Variants in HDAC4 observed in about 807,000 individuals in gnomAD.
HDAC4 encodes the protein histone deacetylase 4, also known as histone deacetylase A.
Under a neutral mutation model 135.1 loss-of-function variants are expected in HDAC4, and 16 were observed. The observed-to-expected ratio is 0.12, with a 90% CI of 0.08 to 0.18. The LOEUF (loss-of-function observed/expected upper bound fraction) is 0.18. Ranked by LOEUF, HDAC4 falls within the 10% of genes least tolerant of loss-of-function variation. The probability of loss-of-function intolerance (pLI) is 1.00; values close to 1 mark genes in which losing one functional copy is unlikely to be tolerated. For synonymous variants in HDAC4, 685 were observed against 653.4 expected, an observed-to-expected ratio of 1.05 and a Z score of -0.74; for missense variants, 1,143 against 1,511.8, an observed-to-expected ratio of 0.76 and a Z score of 4.05.
At chr2:239,163,176 G>A (rs1169346073) in intron 6 of HDAC4, among the ~76,000 whole-genome samples, 3 of 152,104 alleles carry the variant, frequency 2.0e-5, no homozygotes, top group Non-Finnish European at 2.9e-5. Flanking sequence ...CAATTGCGTG[G>A]GCCCTGGCAG....
At chr2:239,255,863 G>C (rs908842200) in intron 2 of HDAC4, among the ~76,000 whole-genome samples, 1 of 152,200 alleles carries the variant, frequency 6.6e-6, no homozygotes, top group Non-Finnish European at 1.5e-5. Context: ...ATGTCGGAGA[G>C]CCCGTCTTTG....
rs1015285510 is a variant in HDAC4, at chr2:239,309,872, G to C, written c.22+42806C>G. ...GGAGGCCAGCAGCCCCTAGCAGAAG[G>C]GTGTTCTGGAAGCTGCCCCCTCCCA... On this transcript the variant is annotated intron_variant, in intron 2 of 26. Coordinates refer to ENST00000543185, the MANE Select transcript of HDAC4 (RefSeq NM_001378414.1). This position sits in a 1 kb window ranked among gnomAD's most constrained non-coding sequence, Gnocchi z 4.2. 6.6e-6 allele frequency among the ~76,000 whole-genome samples: 1 copy of C among 152,240 alleles called. No homozygotes were observed. The highest frequency in any genetic ancestry group is 2.4e-5 in the African/African-American group (1 of 41,470).
chr2:239,190,311 G>A (rs557522564), intron 3 of HDAC4, among the ~76,000 whole-genome samples: 45 of 152,254 alleles, frequency 3.0e-4, no homozygotes, highest in African/African-American at 1.0e-3. Context: ...AAGCCCATGG[G>A]AGGTCAGGCC....
chr2:239,197,847 T>TTGTGTGTGTGTGTG (rs368801140), intron 3 of HDAC4, among the ~76,000 whole-genome samples: 17,653 of 139,976 alleles, frequency 0.13, 1,288 homozygotes, highest in South Asian at 0.16. Context: ...CACTAAAAGT[T>TTGTGTGTGTGTGTG]TGTGTGTGTG....
In HDAC4 at chr2:239,361,765, G is replaced by A. The variant is rs371673170; in HGVS notation, c.-219-8847C>T. 3.9e-5 allele frequency among the ~76,000 whole-genome samples: 6 copies of A among 152,130 alleles called. No individual in the cohort carries two copies. In the East Asian group the frequency reaches 5.8e-4, roughly 15 times the overall value. On this transcript the variant is annotated intron_variant, in intron 1 of 26. Coordinates refer to ENST00000543185, the MANE Select transcript of HDAC4 (RefSeq NM_001378414.1). ...CCTTCTCCTTAGGTGGTGTGTCTTT[G>A]AACAACCCAACGCAACACTCACAAC...
rs1427097006 is a variant in HDAC4 at position 239,084,033 on chromosome 2, C to G, written c.2532+122G>C. ...CTTTACTTCTCCGCATCTTTGAGAC[C>G]GTTTCCAGAAACCTAAGCTTCCCAC... On this transcript the variant is annotated intron_variant, in intron 20 of 26. Coordinates refer to ENST00000543185, the MANE Select transcript of HDAC4 (RefSeq NM_001378414.1). 6.7e-6 allele frequency: 5 copies of G among 743,548 alleles called. No homozygotes were observed. In the East Asian group the frequency reaches 1.3e-4, roughly 20 times the overall value. The allele number at this position is 743,548 out of a possible 1,614,324, so 46.1% of individuals were successfully genotyped here. A position where few individuals can be genotyped will look rare whatever the true frequency, so the allele number is the denominator to read the frequency against.
intron 2 of HDAC4, among the ~76,000 whole-genome samples, chr2:239,324,970 T>A (rs1457644933): frequency 6.6e-6 from 1 of 152,124 alleles, no homozygotes; most frequent in East Asian, 1.9e-4. Context: ...AGACACATGC[T>A]CTCTTACAGC....
intron 6 of HDAC4, among the ~76,000 whole-genome samples, chr2:239,159,125 C>A (rs1273568503): frequency 6.6e-6 from 1 of 151,220 alleles, no homozygotes; most frequent in Non-Finnish European, 1.5e-5. Context: ...TACACCCACT[C>A]ACACCTGCAG....
intron 22 of HDAC4, among the ~76,000 whole-genome samples, chr2:239,078,467 C>G (rs1559381753): frequency 6.6e-6 from 1 of 152,222 alleles, no homozygotes; most frequent in East Asian, 1.9e-4. Context: ...CCCTTCTTCC[C>G]CATCATCGGA....
At chr2:239,089,351 C>G (rs549381769) in intron 18 of HDAC4, among the ~76,000 whole-genome samples, 4 of 152,116 alleles carry the variant, frequency 2.6e-5, no homozygotes, top group African/African-American at 9.7e-5. Flanking sequence ...TTTTTTGAGA[C>G]GGAGTCTCAC....
chr2:239,397,966 T>A (rs1404064310), intron 1 of HDAC4, among the ~76,000 whole-genome samples: 1 of 152,164 alleles, frequency 6.6e-6, no homozygotes, highest in Non-Finnish European at 1.5e-5. Flanking sequence ...TCCGACTCCT[T>A]ACCCCAGGAC....
intron 1 of HDAC4, among the ~76,000 whole-genome samples, chr2:239,363,587 T>C (rs936471717): frequency 3.9e-5 from 6 of 152,194 alleles, no homozygotes. Context: ...GAAATTAGTA[T>C]GAGCTGGATC....
At chr2:239,228,873 C>T (rs1298846095) in intron 3 of HDAC4, among the ~76,000 whole-genome samples, 1 of 152,074 alleles carries the variant, frequency 6.6e-6, no homozygotes, top group African/African-American at 2.4e-5. Context: ...TGGGCACAGT[C>T]GTTCACACCT....
At chr2:239,120,416 G>GAC (rs765059562) in intron 12 of HDAC4, among the ~76,000 whole-genome samples, 29 of 133,170 alleles carry the variant, frequency 2.2e-4, no homozygotes, top group Non-Finnish European at 4.4e-4. Context: ...CACACACACA[G>GAC]ACACAGACAG....
Position 239,363,996 on chromosome 2 carries a change from C to T in HDAC4, c.-219-11078G>A, listed in dbSNP as rs572363304. 1.4e-4 allele frequency among the ~76,000 whole-genome samples: 21 copies of T among 152,270 alleles called. 1 individual carries two copies. The highest frequency in any genetic ancestry group is 4.8e-4 in the African/African-American group (20 of 41,558). On this transcript the variant is annotated intron_variant, in intron 1 of 26. Coordinates refer to ENST00000543185, the MANE Select transcript of HDAC4 (RefSeq NM_001378414.1). Reference sequence around the variant, plus strand: ...CTGCGCATGTGTGACTGCAGGGAAACGCGATAAAGCCACAACGGAACACTC... The same window carrying T: ...CTGCGCATGTGTGACTGCAGGGAAATGCGATAAAGCCACAACGGAACACTC...
chr2:239,275,159 G>A (rs1348773366), intron 2 of HDAC4, among the ~76,000 whole-genome samples: 2 of 126,842 alleles, frequency 1.6e-5, no homozygotes, highest in South Asian at 2.1e-4. Flanking sequence ...AAGGGTGGGG[G>A]CCGGCCGGAA....
intron 2 of HDAC4, among the ~76,000 whole-genome samples, chr2:239,244,998 C>A (rs1448375645): frequency 1.3e-5 from 2 of 152,236 alleles, no homozygotes; most frequent in Non-Finnish European, 2.9e-5. Context: ...AGTTCCATAA[C>A]AGTGCTTGCA....
chr2:239,291,851 C>T (rs2125511563), intron 2 of HDAC4, among the ~76,000 whole-genome samples: 1 of 152,304 alleles, frequency 6.6e-6, no homozygotes, highest in South Asian at 2.1e-4. Flanking sequence ...GCTAGCTGGG[C>T]CTTCTCCCCG....
intron 18 of HDAC4, among the ~76,000 whole-genome samples, chr2:239,087,823 G>A (rs2036128935): frequency 6.6e-6 from 1 of 151,848 alleles, no homozygotes; most frequent in South Asian, 2.1e-4. Context: ...AAGAGGTCTG[G>A]GGGCTACTAA....
Sources: gnomAD v4.1 joint callset for allele counts (sites outside exome capture counted in the v4.1 genomes callset) on GRCh38, gnomAD v4.1.1 for gene constraint, Gnocchi (gnomAD v3.1) non-coding constraint, MANE v1.5 for transcripts, NCBI Gene and HGNC (gene_info 2026-07-23, HGNC 2026-07-21) for gene names.